The following ZNF385B variants were observed in gnomAD, a reference collection of about 807,000 sequenced individuals.
ZNF385B encodes zinc finger protein 385B.
A neutral mutation model predicts 39.2 loss-of-function variants in ZNF385B; 23 were observed. The ratio of observed to expected loss-of-function variants is 0.59; its 90% confidence interval spans 0.42 to 0.83. The LOEUF (loss-of-function observed/expected upper bound fraction) is 0.83, where lower values mean the gene tolerates loss of function less well. ZNF385B is among the 40% of genes least tolerant of loss of function. The pLI, the probability that ZNF385B is intolerant of heterozygous loss-of-function variation, is 0.00. For missense variants in ZNF385B, 552 were observed against 598.9 expected, an observed-to-expected ratio of 0.92 and a Z score of 0.82; for synonymous variants, 205 against 222.6, an observed-to-expected ratio of 0.92 and a Z score of 0.70.
chr2:179,841,934 A>G (rs760102777), intron 1 of ZNF385B, among the ~76,000 whole-genome samples: 1 of 152,172 alleles, frequency 6.6e-6, no homozygotes, highest in Admixed American at 6.5e-5. Context: ...CACTCCCCAC[A>G]AATACTTCCA....
At chr2:179,802,461 C>T (rs576807801) in intron 1 of ZNF385B, 1 of 152,258 alleles carries the variant, frequency 6.6e-6, no homozygotes, top group Non-Finnish European at 1.5e-5. Flanking sequence ...ATTTACCCTA[C>T]ATTTCATCCC....
At chr2:179,651,529 A>G (rs1430132937) in intron 3 of ZNF385B, among the ~76,000 whole-genome samples, 1 of 152,192 alleles carries the variant, frequency 6.6e-6, no homozygotes, top group African/African-American at 2.4e-5. Context: ...TATAACCAAC[A>G]TACTATATAA....
At chr2:179,750,552 G>C (rs1702612610) in intron 3 of ZNF385B, among the ~76,000 whole-genome samples, 1 of 152,054 alleles carries the variant, frequency 6.6e-6, no homozygotes, top group African/African-American at 2.4e-5. Flanking sequence ...CTTATACAAA[G>C]AAAAGCGGAT....
Position 179,835,461 on chromosome 2 carries a change from C to T in ZNF385B, c.-155+25640G>A, listed in dbSNP as rs538020872. ...GGTAGGGCCTAGACCTAATGGAATA[C>T]ACATAAGCTAAATACGTGCACCATA... is the stretch of plus-strand genomic sequence containing the variant. On this transcript the variant is annotated intron_variant, in intron 1 of 9. Coordinates refer to ENST00000410066, the MANE Select transcript of ZNF385B (RefSeq NM_152520.6). Among the ~76,000 whole-genome samples the T allele has an allele frequency of 7.9e-5, 12 of 152,242 alleles. No homozygotes were observed. In the South Asian group the frequency reaches 2.5e-3, roughly 32 times the overall value.
At chr2:179,644,367 C>T (rs1032667847) in intron 3 of ZNF385B, among the ~76,000 whole-genome samples, 1 of 152,140 alleles carries the variant, frequency 6.6e-6, no homozygotes, top group Admixed American at 6.6e-5. Flanking sequence ...AGGTCCTAAA[C>T]TTTTACTGTC....
At chr2:179,463,678 T>A (rs900756935) in intron 6 of ZNF385B, among the ~76,000 whole-genome samples, 1 of 152,250 alleles carries the variant, frequency 6.6e-6, no homozygotes, top group Non-Finnish European at 1.5e-5. Flanking sequence ...GCAAAGGACA[T>A]GAACTCATCT....
chr2:179,791,952 G>C (rs1705352787), intron 1 of ZNF385B, among the ~76,000 whole-genome samples: 1 of 152,162 alleles, frequency 6.6e-6, no homozygotes, highest in Admixed American at 6.5e-5. Context: ...AGTAGAGGCA[G>C]GGTTTCACCA....
intron 3 of ZNF385B, among the ~76,000 whole-genome samples, chr2:179,724,706 A>G (rs1700896069): frequency 1.3e-5 from 2 of 152,196 alleles, no homozygotes; most frequent in Admixed American, 1.3e-4. Flanking sequence ...GATACTTTGC[A>G]GGATAAAAAT....
intron 5 of ZNF385B, among the ~76,000 whole-genome samples, chr2:179,493,623 G>C (rs113522590): frequency 5.6e-5 from 6 of 107,246 alleles, no homozygotes; most frequent in African/African-American, 2.0e-4. Context: ...GTACATATAT[G>C]TATACGCATA....
At chr2:179,772,962 T>C (rs1704098766) in intron 1 of ZNF385B, among the ~76,000 whole-genome samples, 3 of 152,170 alleles carry the variant, frequency 2.0e-5, no homozygotes, top group Admixed American at 2.0e-4. Flanking sequence ...GAATAAGACA[T>C]TTTAGTGCAG....
At chr2:179,738,380 A>G (rs1701892471) in intron 3 of ZNF385B, among the ~76,000 whole-genome samples, 1 of 152,050 alleles carries the variant, frequency 6.6e-6, no homozygotes. Flanking sequence ...ATTTCACCCA[A>G]ACTCCAGGCA....
rs1299742462 is a variant in ZNF385B, at chr2:179,522,868, C to A, written c.442-4230G>T. 8.9e-6 allele frequency: 4 copies of A among 448,294 alleles called. No individual in the cohort carries two copies. In the Admixed American group the frequency reaches 1.0e-4, roughly 12 times the overall value. 27.8% of individuals were successfully genotyped at this position (448,294 alleles called of 1,614,324 possible). ...ATACCCTATCACATAGATCTAGCTA[C>A]CAATATTCCTTACCTGGCAAAATTT... On this transcript the variant is annotated intron_variant, in intron 4 of 9. Coordinates refer to ENST00000410066, the MANE Select transcript of ZNF385B (RefSeq NM_152520.6).
At chr2:179,766,544 C>T (rs1290659037) in intron 3 of ZNF385B, among the ~76,000 whole-genome samples, 2 of 152,076 alleles carry the variant, frequency 1.3e-5, no homozygotes, top group East Asian at 1.9e-4. Flanking sequence ...TTCTAGGGCT[C>T]TCTCCTTGGC....
At chr2:179,739,913 C>G (rs546200478) in intron 3 of ZNF385B, among the ~76,000 whole-genome samples, 3 of 152,054 alleles carry the variant, frequency 2.0e-5, no homozygotes, top group African/African-American at 7.2e-5. Context: ...AAAGTAGCTA[C>G]GTACTTAAAT....
rs188380545 is a variant in ZNF385B, at chr2:179,757,919, C to T, written c.298+11584G>A. Among the ~76,000 whole-genome samples, 1,482 of 152,200 alleles carry T rather than the reference C, an allele frequency of 9.7e-3. 14 individuals are homozygous for T. The highest frequency in any genetic ancestry group is 0.013 in the Non-Finnish European group (881 of 68,014). On this transcript the variant is annotated intron_variant, in intron 3 of 9. Coordinates refer to ENST00000410066, the MANE Select transcript of ZNF385B (RefSeq NM_152520.6). ...GACCCCTTGTGCTTCCCAGGTGAGG[C>T]GATGCCTCACCCTGCTTTGGCTCAC...
rs58126735 is a variant in ZNF385B at position 179,810,473 on chromosome 2, A to G, written c.-154-39801T>C. ...TGTTTATATACATTGACACAAATATATATACAAAAAATCACAAAAATTATT... is the reference window on the plus strand; with the variant it reads ...TGTTTATATACATTGACACAAATATGTATACAAAAAATCACAAAAATTATT... On this transcript the variant is annotated intron_variant, in intron 1 of 9. Transcript: ENST00000410066. Among the ~76,000 whole-genome samples the G allele has an allele frequency of 3.5e-3, 532 of 152,028 alleles. 2 individuals are homozygous for G. The highest frequency in any genetic ancestry group is 0.012 in the African/African-American group (491 of 41,552).
intron 1 of ZNF385B, among the ~76,000 whole-genome samples, chr2:179,791,053 T>C (rs897603632): frequency 6.6e-6 from 1 of 152,248 alleles, no homozygotes; most frequent in Admixed American, 6.5e-5. Context: ...AGATTATTCC[T>C]TCTCATCTCA....
Position 179,705,107 on chromosome 2 carries a change from C to A in ZNF385B, c.298+64396G>T, listed in dbSNP as rs553215048. On this transcript the variant is annotated intron_variant, in intron 3 of 9. Transcript: ENST00000410066. ...AATTCTCATTCCATAGAAAATAAGA[C>A]AAAAAAACTCCCTACTATCCTCCAT... 1.7e-3 allele frequency among the ~76,000 whole-genome samples: 258 copies of A among 151,740 alleles called. 3 individuals are homozygous for A. The highest frequency in any genetic ancestry group is 2.5e-3 in the Non-Finnish European group (169 of 67,890).
intron 3 of ZNF385B, among the ~76,000 whole-genome samples, chr2:179,747,331 G>A (rs1702439535): frequency 6.6e-6 from 1 of 152,116 alleles, no homozygotes; most frequent in South Asian, 2.1e-4. Context: ...TTAGACACAC[G>A]ATTGGATATG....
Sources: gnomAD v4.1 joint callset for allele counts (sites outside exome capture counted in the v4.1 genomes callset) on GRCh38, gnomAD v4.1.1 for gene constraint, MANE v1.5 for transcripts, NCBI Gene and HGNC (gene_info 2026-07-23, HGNC 2026-07-21) for gene names.